The following SYNPO2L variants were observed in gnomAD, a reference collection of about 807,000 sequenced individuals.
The protein encoded by SYNPO2L is synaptopodin 2-like protein.
A neutral mutation model predicts 47.5 loss-of-function variants in SYNPO2L; 34 were observed. That is an observed-to-expected ratio of 0.72 (90% confidence interval 0.54 to 0.95). The LOEUF (loss-of-function observed/expected upper bound fraction) is 0.95. Among genes scored for constraint, SYNPO2L ranks in the 40% least tolerant of loss-of-function variants. The pLI is 0.00. For missense variants in SYNPO2L, 1,246 were observed against 1,282.0 expected (o/e 0.97, Z 0.43); for synonymous variants, 536 against 524.9 (o/e 1.02, Z -0.29).
At position 73,653,775 on chromosome 10, in the gene SYNPO2L, A is replaced by G. The variant is rs1589455847; in HGVS notation, c.258-122T>C. ...GAGGTAAGGGAGAGAGAAGGCTGTC[A>G]TACAGTTGGAATGGGTGGGCCGGGA... On this transcript the variant is annotated intron_variant, in intron 2 of 3. Transcript: ENST00000394810. 3.8e-6 allele frequency: 5 copies of G among 1,321,784 alleles called. 1 individual carries two copies. The South Asian group carries it at 8.0e-5, about 21-fold the overall frequency. The allele number at this position is 1,321,784 out of a possible 1,614,324, so 81.9% of individuals were successfully genotyped here.
At position 73,654,156 on chromosome 10, in the gene SYNPO2L, C is replaced by A; in HGVS notation, c.230G>T (p.Gly77Val). 2 of 1,551,654 alleles carry A rather than the reference C, an allele frequency of 1.3e-6. No homozygotes were observed. The highest frequency in any genetic ancestry group is 1.7e-6 in the Non-Finnish European group (2 of 1,146,958). ...ASAMSLIDAS[G>V]NQLVLTVQRL... The stretch of plus-strand genomic sequence containing the variant: ...CTGCACAGTGAGGACAAGCTGATTT[C>A]CTGAGGCATCGATGAGGCTCATGGC... The change falls in exon 2 of 4, where the codon GGA (glycine) becomes GTA (valine). Residue 77 changes from glycine (G) to valine (V), a missense_variant. Transcript: ENST00000394810.
At chr10:73,651,038 A>G (rs1382441059) in intron 3 of SYNPO2L, 6 of 1,604,118 alleles carry the variant, frequency 3.7e-6, no homozygotes, top group Non-Finnish European at 5.1e-6. Flanking sequence ...CTGGAGCAGG[A>G]CCAGCTTGAG....
rs770641154 is a variant in SYNPO2L, at chr10:73,648,819, C to G, written c.833G>C (p.Arg278Thr). The part of the protein sequence containing the change: ...KSIKEAKTKC[R>T]TIASLLTAAP... ...TGCAGTGAGCAGGGATGCAATTGTC[C>G]TGCATTTGGTCTTGGCCTCTTTTAT... The change falls in exon 4 of 4, where the codon AGG (arginine) becomes ACG (threonine). Residue 278 changes from arginine to threonine, a missense_variant. Physicochemically the swap from Arg to Thr is moderately conservative, Grantham distance 71. Around this residue, in one of 3 missense-constraint regions of SYNPO2L, gnomAD observed 1,037 missense variants for 1,021.5 expected, o/e 1.02. Transcript: ENST00000394810. The G allele has an allele frequency of 3.8e-6, 6 of 1,576,818 alleles. No individual in the cohort carries two copies. In the Admixed American group the frequency reaches 1.1e-4, roughly 28 times the overall value.
chr10:73,647,793 C>T lies in SYNPO2L; in HGVS notation c.1859G>A (p.Arg620His). ...REQRISVPAARTGILQEARRR... is the reference protein window; with the variant it reads ...REQRISVPAAHTGILQEARRR... ...CCGGGCCTCCTGCAGGATACCCGTG[C>T]GGGCAGCTGGCACAGAGATGCGCTG... The change falls in exon 4 of 4, where the codon CGC becomes CAC. Residue 620 changes from arginine to histidine, a missense_variant. Around this residue, in one of 3 missense-constraint regions of SYNPO2L, gnomAD observed 1,037 missense variants for 1,021.5 expected, o/e 1.02. Coordinates refer to ENST00000394810, the MANE Select transcript of SYNPO2L (RefSeq NM_001114133.3). 1 of 1,610,342 alleles carries T rather than the reference C, an allele frequency of 6.2e-7. No homozygotes were observed. The highest frequency in any genetic ancestry group is 8.5e-7 in the Non-Finnish European group (1 of 1,177,690).
rs780362107 is a variant in SYNPO2L at position 73,646,754 on chromosome 10, T to C, written c.2898A>G (p.Gln966=). Reference sequence around the variant, plus strand: ...CTGCCCCAGGCCTCCACACATGAGCTTGCAATCCTGTTCTGGTGGCTGAAA... The same window carrying C: ...CTGCCCCAGGCCTCCACACATGAGCCTGCAATCCTGTTCTGGTGGCTGAAA... ...PRFSATRTGL[Q]AHVWRPGAGH... Residue 966 remains glutamine, a synonymous_variant, in exon 4 of 4, where the codon CAA becomes CAG. Transcript: ENST00000394810. 13 of 1,511,144 alleles carry C rather than the reference T, an allele frequency of 8.6e-6. No individual in the cohort carries two copies. Among genetic ancestry groups the C allele is most frequent in the South Asian group, 1.4e-5 (1 of 73,120 alleles). 93.6% of individuals were successfully genotyped at this position (1,511,144 alleles called of 1,614,324 possible).
At chr10:73,655,772 T>G (rs1170744375) in intron 1 of SYNPO2L, 46 bp downstream of exon 1, 3 of 1,142,230 alleles carry the variant, frequency 2.6e-6, no homozygotes, top group Non-Finnish European at 3.5e-6. Flanking sequence ...CCAGGATCCC[T>G]TGGGTTCCCT....
chr10:73,655,690 GCC>G, intron 1 of SYNPO2L, 126 bp downstream of exon 1: 2 of 271,698 alleles, frequency 7.4e-6, no homozygotes, highest in South Asian at 3.1e-5. Context: ...ATACTTCCCT[GCC>G]CACCACCCAC....
At position 73,647,968 on chromosome 10, in the gene SYNPO2L, C is replaced by T. The variant is rs1217391695; in HGVS notation, c.1684G>A (p.Gly562Ser). ...IPAPSRPVTP[G>S]GAPEPPAPPS... ...GGAGCGGGGGGCTCTGGAGCTCCACCTGGGGTGACAGGCCGACTAGGGGCT... is the reference window on the plus strand; with the variant it reads ...GGAGCGGGGGGCTCTGGAGCTCCACTTGGGGTGACAGGCCGACTAGGGGCT... The change falls in exon 4 of 4, where the codon GGT becomes AGT. Residue 562 changes from glycine to serine, a missense_variant. Coordinates refer to ENST00000394810, the MANE Select transcript of SYNPO2L (RefSeq NM_001114133.3). 6.5e-7 allele frequency: 1 copy of T among 1,539,876 alleles called. No individual in the cohort carries two copies. The highest frequency in any genetic ancestry group is 1.4e-5 in the African/African-American group (1 of 72,574).
In SYNPO2L at chr10:73,645,856, G is replaced by A. The variant is rs560910376; in HGVS notation, c.*862C>T. On this transcript the variant is annotated 3_prime_UTR_variant, in exon 4 of 4. Coordinates refer to ENST00000394810, the MANE Select transcript of SYNPO2L (RefSeq NM_001114133.3). ...TTTGTTTGTTTTGAGACAGAGTCTC[G>A]CTCCGTCGCCCAGGCTGGAGTGCAG... The A allele has an allele frequency of 1.1e-5, 11 of 984,240 alleles. No homozygotes were observed. The highest frequency in any genetic ancestry group is 1.1e-4 in the East Asian group (1 of 8,804). 61.0% of individuals were successfully genotyped at this position (984,240 alleles called of 1,614,324 possible). A position where few individuals can be genotyped will look rare whatever the true frequency, so the allele number is the denominator to read the frequency against.
At chr10:73,655,523 G>C (rs2081871757) in intron 1 of SYNPO2L, among the ~76,000 whole-genome samples, 1 of 152,132 alleles carries the variant, frequency 6.6e-6, no homozygotes, top group Admixed American at 6.6e-5. Context: ...ACAAACACTG[G>C]ATGACCAGAG....
At chr10:73,655,473 G>A (rs969217440) in intron 1 of SYNPO2L, among the ~76,000 whole-genome samples, 3 of 152,068 alleles carry the variant, frequency 2.0e-5, no homozygotes, top group Admixed American at 1.3e-4. Flanking sequence ...AACCTTCCCC[G>A]TATTTCTGGA....
chr10:73,650,159 TC>T lies in SYNPO2L; in HGVS notation c.773-1281del, dbSNP rs980923859. On this transcript the variant is annotated intron_variant, in intron 3 of 3. Transcript: ENST00000394810. ...TACTCTCTGGTCCATGGTCCCCAGT[TC>T]CTCCTGAAAAATTATTGAGATTCCA... The T allele has an allele frequency of 1.5e-5, 15 of 985,294 alleles. No homozygotes were observed. In the African/African-American group the frequency reaches 2.6e-4, roughly 17 times the overall value. The allele number at this position is 985,294 out of a possible 1,614,324, so 61.0% of individuals were successfully genotyped here.
rs1349831922 is a variant in SYNPO2L, at chr10:73,645,031, G to A, written c.*1687C>T. ...GAAGGGAGTCCATACTAAGATTGGA[G>A]ATCAGGACCTGAAGCTGAAAAGAAG... On this transcript the variant is annotated 3_prime_UTR_variant, in exon 4 of 4. Transcript: ENST00000394810. 3 of 1,267,468 alleles carry A rather than the reference G, an allele frequency of 2.4e-6. No homozygotes were observed. In the African/African-American group the frequency reaches 4.7e-5, roughly 20 times the overall value. 78.5% of individuals were successfully genotyped at this position (1,267,468 alleles called of 1,614,324 possible).
chr10:73,652,701 C>G (rs2081851030), intron 3 of SYNPO2L, among the ~76,000 whole-genome samples: 1 of 152,014 alleles, frequency 6.6e-6, no homozygotes, highest in Admixed American at 6.6e-5. Flanking sequence ...AAACAAAAAT[C>G]CTGCGTTCAT....
chr10:73,651,011 G>A, intron 3 of SYNPO2L: 1 of 1,612,282 alleles, frequency 6.2e-7, no homozygotes, highest in Non-Finnish European at 8.5e-7. Context: ...TCTCCATGCT[G>A]AGAAAGGCGG....
In SYNPO2L at chr10:73,648,794, T is replaced by C; in HGVS notation, c.858A>G (p.Ala286=). The C allele has an allele frequency of 3.1e-6, 5 of 1,601,770 alleles. No individual in the cohort carries two copies. The highest frequency in any genetic ancestry group is 4.3e-6 in the Non-Finnish European group (5 of 1,173,586). Residue 286 remains alanine (A), a synonymous_variant, in exon 4 of 4, where the codon GCA becomes GCG. Transcript: ENST00000394810. ...KCRTIASLLT[A]APNPHSKGVL... ...CCCCTTTGGAGTGGGGGTTGGGGGCTGCAGTGAGCAGGGATGCAATTGTCC... is the reference window on the plus strand; with the variant it reads ...CCCCTTTGGAGTGGGGGTTGGGGGCCGCAGTGAGCAGGGATGCAATTGTCC...
In SYNPO2L at chr10:73,646,101, G is replaced by C; in HGVS notation, c.*617C>G. On this transcript the variant is annotated 3_prime_UTR_variant, in exon 4 of 4. Coordinates refer to ENST00000394810, the MANE Select transcript of SYNPO2L (RefSeq NM_001114133.3). ...GGCCTCCCAAAGTGCTGGGATTACC[G>C]GCGTGAGCCACCGTGCCCGGCCTCA... The C allele has an allele frequency of 1.0e-6, 1 of 985,390 alleles. No individual in the cohort carries two copies. The highest frequency in any genetic ancestry group is 1.2e-6 in the Non-Finnish European group (1 of 830,148). The allele number at this position is 985,390 out of a possible 1,614,324, so 61.0% of individuals were successfully genotyped here.
In SYNPO2L at chr10:73,647,601, C is replaced by G. The variant is rs2081777754; in HGVS notation, c.2051G>C (p.Cys684Ser). The G allele has an allele frequency of 6.2e-7, 1 of 1,613,866 alleles. No individual in the cohort carries two copies. Among genetic ancestry groups the G allele is most frequent in the African/African-American group, 1.3e-5 (1 of 74,918 alleles). Residue 684 changes from cysteine (C) to serine (S), a missense_variant, in exon 4 of 4, where the codon TGC becomes TCC. Coordinates refer to ENST00000394810, the MANE Select transcript of SYNPO2L (RefSeq NM_001114133.3). Reference protein sequence around the residue: ...EDALSLGAEACNFMQPVGARS... With the variant: ...EDALSLGAEASNFMQPVGARS... ...GGCCCCTACTGGCTGCATGAAGTTG[C>G]AGGCTTCAGCCCCGAGGCTCAGAGC...
chr10:73,648,298 G>A lies in SYNPO2L; in HGVS notation c.1354C>T (p.Pro452Ser), dbSNP rs369431863. Residue 452 changes from proline to serine, a missense_variant, in exon 4 of 4, where the codon CCA (proline) becomes TCA (serine). Physicochemically the swap from Pro to Ser is moderately conservative, Grantham distance 74. Coordinates refer to ENST00000394810, the MANE Select transcript of SYNPO2L (RefSeq NM_001114133.3). ...APVASPRPFQ[P>S]GGGAPTPAPS... ...GCTGGGGTCGGGGCTCCACCACCTG[G>A]TTGGAAGGGTCTGGGGCTGGCTACA... 2 of 1,603,788 alleles carry A rather than the reference G, an allele frequency of 1.2e-6. No homozygotes were observed. Among genetic ancestry groups the A allele is most frequent in the Non-Finnish European group, 1.7e-6 (2 of 1,179,450 alleles).
Sources: gnomAD v4.1 joint callset for allele counts (sites outside exome capture counted in the v4.1 genomes callset) on GRCh38, gnomAD v4.1.1 for gene constraint, gnomAD v4.1.1 regional missense constraint, MANE v1.5 for transcripts, NCBI Gene and HGNC (gene_info 2026-07-23, HGNC 2026-07-21) for gene names.